KCNIP4: variants seen among roughly 807,000 people sequenced by gnomAD.
KCNIP4 encodes the protein potassium voltage-gated channel interacting protein 4.
In KCNIP4, 12 loss-of-function variants were observed where a neutral mutation model predicts 34.0. That is an observed-to-expected ratio of 0.35 (90% CI 0.23 to 0.57). The LOEUF (loss-of-function observed/expected upper bound fraction) is 0.57. Among genes scored for constraint, KCNIP4 ranks in the 20% least tolerant of loss-of-function variants. The pLI is 0.83. For missense variants in KCNIP4, 238 were observed against 311.7 expected (o/e 0.76, Z 1.78); for synonymous variants, 124 against 102.2 (o/e 1.21, Z -1.29).
chr4:21,493,753 G>A (rs1732609006), intron 1 of KCNIP4, among the ~76,000 whole-genome samples: 1 of 152,170 alleles, frequency 6.6e-6, no homozygotes, highest in Admixed American at 6.5e-5. Flanking sequence ...CCAAGGGTCT[G>A]CCTCAGTAGA....
intron 1 of KCNIP4, among the ~76,000 whole-genome samples, chr4:21,776,337 T>G (rs4624641): frequency 1.3e-5 from 2 of 152,152 alleles, no homozygotes; most frequent in Non-Finnish European, 2.9e-5. Context: ...CTATGGTTTT[T>G]TTTTTCGATG....
intron 1 of KCNIP4, among the ~76,000 whole-genome samples, chr4:21,510,332 G>A (rs1026254402): frequency 6.6e-6 from 1 of 152,062 alleles, no homozygotes; most frequent in Non-Finnish European, 1.5e-5. Context: ...AGCAAATACA[G>A]TTTTCATGTG....
chr4:21,303,815 C>A (rs1712034521), intron 1 of KCNIP4: 1 of 1,613,598 alleles, frequency 6.2e-7, no homozygotes, highest in Non-Finnish European at 8.5e-7. Context: ...ACCTTCTAAA[C>A]CTGCTTCAAT....
chr4:21,252,637 G>A (rs527276003), intron 1 of KCNIP4, among the ~76,000 whole-genome samples: 1 of 151,940 alleles, frequency 6.6e-6, no homozygotes, highest in African/African-American at 2.4e-5. Flanking sequence ...AAAAGAAGGT[G>A]AAAAATTTCC....
At chr4:21,829,396 T>C (rs1722848941) in intron 1 of KCNIP4, among the ~76,000 whole-genome samples, 5 of 152,132 alleles carry the variant, frequency 3.3e-5, no homozygotes, top group Non-Finnish European at 7.4e-5. Context: ...GGTACACATC[T>C]CTATTAATCA....
At chr4:21,282,094 G>A (rs541774602) in intron 1 of KCNIP4, among the ~76,000 whole-genome samples, 1 of 152,240 alleles carries the variant, frequency 6.6e-6, no homozygotes, top group African/African-American at 2.4e-5. Flanking sequence ...AAAAATATCA[G>A]GTAAGTTCTC....
chr4:20,942,678 T>C (rs1030357675), intron 1 of KCNIP4, among the ~76,000 whole-genome samples: 1 of 152,118 alleles, frequency 6.6e-6, no homozygotes, highest in African/African-American at 2.4e-5. Context: ...TTTATTTTTA[T>C]TTTTATTTTT....
chr4:21,639,833 A>T (rs1349086027), intron 1 of KCNIP4, among the ~76,000 whole-genome samples: 1 of 152,162 alleles, frequency 6.6e-6, no homozygotes, highest in Non-Finnish European at 1.5e-5. Context: ...TGGGTAAAAA[A>T]CTACAGGATA....
intron 1 of KCNIP4, among the ~76,000 whole-genome samples, chr4:20,911,583 G>C (rs1390077630): frequency 1.3e-5 from 2 of 152,108 alleles, no homozygotes; most frequent in Admixed American, 1.3e-4. Flanking sequence ...TAAAAGATGA[G>C]TGCAGTAAGG....
chr4:21,332,175 A>G (rs1479260879), intron 1 of KCNIP4, among the ~76,000 whole-genome samples: 1 of 152,104 alleles, frequency 6.6e-6, no homozygotes, highest in African/African-American at 2.4e-5. Flanking sequence ...CCCGTCCTCT[A>G]GAATATAACC....
chr4:21,362,781 C>G (rs1372027887), intron 1 of KCNIP4, among the ~76,000 whole-genome samples: 1 of 152,088 alleles, frequency 6.6e-6, no homozygotes, highest in African/African-American at 2.4e-5. Flanking sequence ...TATTGTTTAA[C>G]TGAAGGATGA....
chr4:21,189,412 T>C (rs1755472178), intron 1 of KCNIP4, among the ~76,000 whole-genome samples: 1 of 152,224 alleles, frequency 6.6e-6, no homozygotes, highest in African/African-American at 2.4e-5. Flanking sequence ...TAAAGGCATT[T>C]GTATCTCTGT....
intron 1 of KCNIP4, among the ~76,000 whole-genome samples, chr4:21,158,857 TC>T (rs1371977981): frequency 6.6e-6 from 1 of 152,172 alleles, no homozygotes; most frequent in Non-Finnish European, 1.5e-5. Flanking sequence ...GACAGAACTG[TC>T]TATGTATAAA....
chr4:21,760,397 T>C (rs1054755121), intron 1 of KCNIP4, among the ~76,000 whole-genome samples: 1 of 152,016 alleles, frequency 6.6e-6, no homozygotes, highest in Middle Eastern at 3.4e-3. Context: ...CTGCTAATTA[T>C]TAACAATGAA....
intron 3 of KCNIP4, among the ~76,000 whole-genome samples, chr4:20,763,786 C>T (rs1456672122): frequency 1.3e-5 from 2 of 152,006 alleles, no homozygotes; most frequent in Non-Finnish European, 2.9e-5. Context: ...GATTTGAATT[C>T]CCTGCCACAA....
chr4:21,543,363 A>T (rs755160872), intron 1 of KCNIP4, among the ~76,000 whole-genome samples: 9 of 152,088 alleles, frequency 5.9e-5, no homozygotes, highest in Non-Finnish European at 1.2e-4. Flanking sequence ...TTCAAAATTG[A>T]TCATTCCTAA....
At chr4:21,073,204 G>A (rs1046812234) in intron 1 of KCNIP4, among the ~76,000 whole-genome samples, 3 of 152,072 alleles carry the variant, frequency 2.0e-5, no homozygotes, top group Admixed American at 1.3e-4. Flanking sequence ...TAGCTTGATG[G>A]GGATGGCATT....
chr4:21,498,553 C>T (rs1207388512), intron 1 of KCNIP4, among the ~76,000 whole-genome samples: 3 of 152,202 alleles, frequency 2.0e-5, no homozygotes, highest in Non-Finnish European at 4.4e-5. Context: ...TGGATAAATA[C>T]ACAAGGTCAT....
chr4:20,849,788 T>C (rs1471809580), intron 3 of KCNIP4, among the ~76,000 whole-genome samples: 1 of 152,224 alleles, frequency 6.6e-6, no homozygotes, highest in African/African-American at 2.4e-5. Flanking sequence ...TGTTTTCAGA[T>C]AGATTCATGA....
Sources: allele counts gnomAD v4.1 joint callset (sites outside exome capture counted in the v4.1 genomes callset), GRCh38; gene constraint gnomAD v4.1.1; transcripts MANE v1.5; gene names NCBI Gene and HGNC (gene_info 2026-07-23, HGNC 2026-07-21).